FABP6: variants seen among roughly 807,000 people sequenced by gnomAD.
The protein encoded by FABP6 is gastrotropin.
FABP6 carries 13 observed loss-of-function variants against 14.9 expected under a neutral mutation model. The observed-to-expected ratio is 0.87, with a 90% CI of 0.57 to 1.39. FABP6 has a LOEUF of 1.39. Among genes scored for constraint, FABP6 ranks in the 40% most tolerant of loss-of-function variants. The probability of loss-of-function intolerance (pLI) is 0.00; values close to 1 mark genes in which losing one functional copy is unlikely to be tolerated. For synonymous variants in FABP6, 75 were observed against 63.6 expected (o/e 1.18, Z -0.85); for missense variants, 161 against 167.2 (o/e 0.96, Z 0.20).
chr5:160,213,703 T>A (rs758086607), intron 2 of FABP6: 1 of 1,598,096 alleles, frequency 6.3e-7, no homozygotes, highest in East Asian at 2.2e-5. Flanking sequence ...TGACTCAGGA[T>A]AGGCCAATCA....
intron 3 of FABP6, among the ~76,000 whole-genome samples, chr5:160,215,691 A>G (rs6866848): frequency 1.0e-5 from 1 of 95,574 alleles, no homozygotes. Flanking sequence ...TTGTCAAAAA[A>G]AAAAAAAGAA....
intron 3 of FABP6, among the ~76,000 whole-genome samples, chr5:160,215,249 C>G (rs930440558): frequency 3.3e-5 from 5 of 152,194 alleles, no homozygotes. Flanking sequence ...CGCAGTGGCT[C>G]ACACCTGTAA....
intron 1 of FABP6, among the ~76,000 whole-genome samples, chr5:160,188,904 A>T (rs1439292748): frequency 2.0e-5 from 3 of 152,140 alleles, no homozygotes; most frequent in Admixed American, 2.0e-4. Flanking sequence ...GTGCTTATCC[A>T]GTCTGCCGCC....
chr5:160,202,400 C>T (rs1466338195), intron 2 of FABP6, among the ~76,000 whole-genome samples: 1 of 152,188 alleles, frequency 6.6e-6, no homozygotes, highest in African/African-American at 2.4e-5. Context: ...CACAGCCCAG[C>T]TCCATACTGA....
At position 160,229,518 on chromosome 5, in the gene FABP6, C is replaced by T. The variant is rs765863242; in HGVS notation, c.-40C>T. 18 of 1,613,638 alleles carry T rather than the reference C, an allele frequency of 1.1e-5. 1 individual carries two copies. The South Asian group carries it at 1.9e-4, about 17-fold the overall frequency. On this transcript the variant is annotated 5_prime_UTR_variant, in exon 1 of 4. Coordinates refer to ENST00000402432, the MANE Select transcript of FABP6 (RefSeq NM_001445.3). ...CAGACCCCTCAGCACCACCCATTCT[C>T]CTCATCCCTCTGCTCTCTGGCCTCC...
chr5:160,234,426 C>CCT (rs1238548381), intron 2 of FABP6, among the ~76,000 whole-genome samples: 1 of 66,054 alleles, frequency 1.5e-5, no homozygotes, highest in Non-Finnish European at 3.2e-5. Context: ...TTGGTAAATT[C>CCT]ATTTTTTTTT....
intron 3 of FABP6, among the ~76,000 whole-genome samples, chr5:160,221,880 C>T (rs1760135456): frequency 6.6e-6 from 1 of 152,140 alleles, no homozygotes; most frequent in Non-Finnish European, 1.5e-5. Flanking sequence ...ATGTGGAAAA[C>T]ATCTAGAAGT....
intron 1 of FABP6, among the ~76,000 whole-genome samples, chr5:160,187,873 C>T (rs1759317629): frequency 6.6e-6 from 1 of 152,132 alleles, no homozygotes; most frequent in Non-Finnish European, 1.5e-5. Context: ...CTGCCTCAGC[C>T]TCCCAAGTAG....
At chr5:160,213,784 G>A (rs754858168) in exon 3 of FABP6, 1 of 1,613,878 alleles carries the variant, frequency 6.2e-7, no homozygotes, top group Non-Finnish European at 8.5e-7. Context: ...CCGGAAAGGA[G>A]ACCTGCAGAG....
At chr5:160,217,209 A>G (rs1224369662) in intron 3 of FABP6, among the ~76,000 whole-genome samples, 1 of 152,220 alleles carries the variant, frequency 6.6e-6, no homozygotes. Context: ...AGGGCAGAAC[A>G]GGACTTTTGG....
Position 160,232,256 on chromosome 5 carries a change from G to C in FABP6, c.226G>C (p.Gly76Arg), listed in dbSNP as rs755750776. The change falls in exon 2 of 4, where the codon GGG becomes CGG. Residue 76 changes from glycine (G) to arginine (R), a missense_variant. Coordinates refer to ENST00000402432, the MANE Select transcript of FABP6 (RefSeq NM_001445.3). ...VGKESNIQTM[G>R]GKTFKATVQM... is the part of the protein sequence containing the mutation. The stretch of plus-strand genomic sequence containing the variant: ...CAAGGAAAGCAACATACAGACAATG[G>C]GGGGCAAGACGTTCAAGGTGAGAGG... 1.9e-6 allele frequency: 3 copies of C among 1,609,452 alleles called. No individual in the cohort carries two copies. Among genetic ancestry groups the C allele is most frequent in the South Asian group, 2.2e-5 (2 of 90,272 alleles).
chr5:160,207,667 C>T (rs1484292268), intron 2 of FABP6, among the ~76,000 whole-genome samples: 1 of 151,010 alleles, frequency 6.6e-6, no homozygotes. Context: ...AAATACACAC[C>T]AACTGTTAAG....
At chr5:160,192,627 C>T (rs2113053670) in intron 1 of FABP6, among the ~76,000 whole-genome samples, 1 of 152,368 alleles carries the variant, frequency 6.6e-6, no homozygotes, top group East Asian at 1.9e-4. Flanking sequence ...GCGCCTGGCA[C>T]CGTGCTAGAC....
chr5:160,212,050 T>C (rs1176148897), intron 2 of FABP6, among the ~76,000 whole-genome samples: 1 of 150,210 alleles, frequency 6.7e-6, no homozygotes, highest in Non-Finnish European at 1.5e-5. Flanking sequence ...TGCAATGGTG[T>C]GATCTCAGCT....
rs902523195 is a variant in FABP6 at position 160,238,705 on chromosome 5, G to A, written c.*46G>A. ...GAGCTACAAACCCACCAATAAAACT[G>A]ATATAAGGACAGACGCTGCTCGCTC... On this transcript the variant is annotated 3_prime_UTR_variant, in exon 4 of 4. Transcript: ENST00000402432. 1 of 1,592,030 alleles carries A rather than the reference G, an allele frequency of 6.3e-7. No individual in the cohort carries two copies. The highest frequency in any genetic ancestry group is 1.3e-5 in the African/African-American group (1 of 74,684).
At chr5:160,192,849 T>A (rs886795845) in intron 1 of FABP6, among the ~76,000 whole-genome samples, 2 of 152,240 alleles carry the variant, frequency 1.3e-5, no homozygotes, top group African/African-American at 4.8e-5. Flanking sequence ...TGATGGCTCA[T>A]GCCTGTAATC....
At chr5:160,205,543 C>A (rs1437367757) in intron 2 of FABP6, among the ~76,000 whole-genome samples, 11 of 152,154 alleles carry the variant, frequency 7.2e-5, no homozygotes, top group Admixed American at 7.2e-4. Context: ...CAACCCTGCT[C>A]CAGGAGAGGG....
At chr5:160,206,357 G>T (rs1308762537) in intron 2 of FABP6, among the ~76,000 whole-genome samples, 1 of 152,176 alleles carries the variant, frequency 6.6e-6, no homozygotes, top group Non-Finnish European at 1.5e-5. Flanking sequence ...GAACCCGGGA[G>T]GCAGAGGCTG....
intron 1 of FABP6, among the ~76,000 whole-genome samples, chr5:160,190,608 CA>C (rs1278903369): frequency 1.3e-5 from 2 of 152,214 alleles, no homozygotes; most frequent in African/African-American, 4.8e-5. Context: ...TGCCTGACCC[CA>C]AAACTGAGCT....
Sources: allele counts gnomAD v4.1 joint callset (sites outside exome capture counted in the v4.1 genomes callset), GRCh38; gene constraint gnomAD v4.1.1; transcripts MANE v1.5; gene names NCBI Gene and HGNC (gene_info 2026-07-23, HGNC 2026-07-21).